CLASP1: variants seen among roughly 807,000 people sequenced by gnomAD.
CLASP1 encodes the protein CLIP-associating protein 1.
A neutral mutation model predicts 192.3 loss-of-function variants in CLASP1; 38 were observed. That is an observed-to-expected ratio of 0.20 (90% CI 0.15 to 0.26). CLASP1 has a LOEUF of 0.26. Among genes scored for constraint, CLASP1 ranks in the 10% least tolerant of loss-of-function variants. The pLI is 1.00. For synonymous variants in CLASP1, 691 were observed against 712.8 expected (o/e 0.97, Z 0.49); for missense variants, 1,433 against 1,932.5 (o/e 0.74, Z 4.85).
chr2:121,617,427 A>G (rs1048202437), intron 1 of CLASP1, among the ~76,000 whole-genome samples: 5 of 152,122 alleles, frequency 3.3e-5, no homozygotes, highest in African/African-American at 1.2e-4. Flanking sequence ...CACCATCAAC[A>G]GTGAAGCTTC....
At chr2:121,639,931 T>C (rs1467247060) in intron 1 of CLASP1, among the ~76,000 whole-genome samples, 2 of 150,736 alleles carry the variant, frequency 1.3e-5, no homozygotes, top group African/African-American at 4.9e-5. Context: ...GTATGTTTAC[T>C]GGGGCACAAT....
rs191916413 is a variant in CLASP1, at chr2:121,530,947, C to T, written c.196-622G>A. On this transcript the variant is annotated intron_variant, in intron 2 of 39. Coordinates refer to ENST00000263710, the Ensembl canonical transcript of CLASP1. ...ATAGTGAGGGCAGTACTGCTAACGC[C>T]TGAACAACACACCCGCATCAACTAG... 3.4e-4 allele frequency: 241 copies of T among 700,426 alleles called. No homozygotes were observed. Among genetic ancestry groups the T allele is most frequent in the African/African-American group, 2.7e-3 (157 of 57,296 alleles). 43.4% of individuals were successfully genotyped at this position (700,426 alleles called of 1,614,324 possible).
chr2:121,382,047 C>A (rs1163505280), intron 33 of CLASP1, among the ~76,000 whole-genome samples, 161 bp downstream of exon 34: 1 of 152,190 alleles, frequency 6.6e-6, no homozygotes, highest in Non-Finnish European at 1.5e-5. Flanking sequence ...AAAGATCACA[C>A]ACCTGCTCAC....
chr2:121,649,110 C>T (rs1349919412), intron 1 of CLASP1, among the ~76,000 whole-genome samples: 1 of 152,170 alleles, frequency 6.6e-6, no homozygotes, highest in African/African-American at 2.4e-5. Context: ...CACACAAAGC[C>T]CGACTGACCC....
chr2:121,505,460 G>A (rs897877673), intron 7 of CLASP1: 5 of 152,100 alleles, frequency 3.3e-5, no homozygotes, highest in Admixed American at 2.0e-4. Flanking sequence ...GCTCATTAAT[G>A]CTGCTACAAC....
intron 39 of CLASP1, among the ~76,000 whole-genome samples, chr2:121,342,206 T>C (rs2062866616): frequency 6.6e-6 from 1 of 152,000 alleles, no homozygotes; most frequent in African/African-American, 2.4e-5. Flanking sequence ...ACTGCAGCCT[T>C]GACCTTCCAG....
chr2:121,428,083 G>GTA (rs2080756126), intron 20 of CLASP1, among the ~76,000 whole-genome samples: 1 of 152,198 alleles, frequency 6.6e-6, no homozygotes, highest in African/African-American at 2.4e-5. Flanking sequence ...GGTGAGTGAA[G>GTA]TAAAACTAAG....
chr2:121,557,292 T>C (rs1213290047), intron 2 of CLASP1, among the ~76,000 whole-genome samples: 1 of 152,064 alleles, frequency 6.6e-6, no homozygotes, highest in African/African-American at 2.4e-5. Flanking sequence ...TTACATAGAA[T>C]ATCTATTATG....
chr2:121,351,066 TGAG>T (rs2064282273), intron 37 of CLASP1, among the ~76,000 whole-genome samples: 1 of 152,170 alleles, frequency 6.6e-6, no homozygotes, highest in Non-Finnish European at 1.5e-5. Flanking sequence ...GCAGTGCACT[TGAG>T]GAGCAGGCCG....
chr2:121,375,719 C>A (rs1270335381), intron 34 of CLASP1, among the ~76,000 whole-genome samples: 1 of 152,180 alleles, frequency 6.6e-6, no homozygotes, highest in Non-Finnish European at 1.5e-5. Context: ...CTAGGCACCA[C>A]AACTAGCCAC....
chr2:121,370,525 A>C (rs996196891), intron 34 of CLASP1, among the ~76,000 whole-genome samples: 3 of 152,162 alleles, frequency 2.0e-5, no homozygotes, highest in Admixed American at 2.0e-4. Context: ...GGGTTTCACC[A>C]TGTTGGTCAG....
intron 2 of CLASP1, among the ~76,000 whole-genome samples, chr2:121,560,432 A>G (rs145553900): frequency 5.3e-5 from 8 of 152,360 alleles, no homozygotes; most frequent in African/African-American, 9.6e-5. Flanking sequence ...TTCACAACAG[A>G]TACACATAAA....
chr2:121,611,132 T>G (rs2065372710), intron 1 of CLASP1, among the ~76,000 whole-genome samples: 1 of 104,838 alleles, frequency 9.5e-6, no homozygotes, highest in African/African-American at 3.8e-5. Flanking sequence ...GAGGAGGAGT[T>G]ACAGGAGGAA....
chr2:121,604,359 T>C (rs887324257), intron 2 of CLASP1, among the ~76,000 whole-genome samples: 4 of 152,196 alleles, frequency 2.6e-5, no homozygotes, highest in African/African-American at 9.7e-5. Flanking sequence ...AATAGAATTT[T>C]AGCCAGAGTT....
chr2:121,417,385 G>A (rs534653725), intron 23 of CLASP1, among the ~76,000 whole-genome samples: 2 of 151,420 alleles, frequency 1.3e-5, no homozygotes, highest in Non-Finnish European at 2.9e-5. Context: ...TGTTCAGAAG[G>A]TCAAATAGTG....
chr2:121,539,603 C>T (rs2095182865), intron 2 of CLASP1, among the ~76,000 whole-genome samples: 1 of 152,156 alleles, frequency 6.6e-6, no homozygotes, highest in South Asian at 2.1e-4. Flanking sequence ...ACAATAAACA[C>T]AAACCATAAA....
chr2:121,627,903 C>T (rs913135824), intron 1 of CLASP1, among the ~76,000 whole-genome samples: 2 of 152,152 alleles, frequency 1.3e-5, no homozygotes, highest in African/African-American at 4.8e-5. Context: ...ACAAAGGCTA[C>T]TGAAAAGACA....
chr2:121,367,854 T>G (rs958786885), intron 34 of CLASP1, 23 bp from the exon 36 acceptor site: 1 of 1,609,534 alleles, frequency 6.2e-7, no homozygotes. Flanking sequence ...ACACTGTCAG[T>G]TCCCTTCTGG....
chr2:121,496,520 A>G (rs1464807088), intron 8 of CLASP1, among the ~76,000 whole-genome samples: 4 of 152,198 alleles, frequency 2.6e-5, no homozygotes, highest in Non-Finnish European at 5.9e-5. Flanking sequence ...GAATCTAGTC[A>G]TCTCAGATAC....
Sources: allele counts gnomAD v4.1 joint callset (sites outside exome capture counted in the v4.1 genomes callset), GRCh38; gene constraint gnomAD v4.1.1; transcripts MANE v1.5; gene names NCBI Gene and HGNC (gene_info 2026-07-23, HGNC 2026-07-21).